Variants in HDAC1 observed in about 807,000 individuals in gnomAD.
The protein encoded by HDAC1 is protein deacetylase HDAC1.
HDAC1 carries 18 observed loss-of-function variants against 65.5 expected under a neutral mutation model. The ratio of observed to expected loss-of-function variants is 0.27; its 90% CI spans 0.19 to 0.41. The LOEUF is 0.41. Among genes scored for constraint, HDAC1 ranks in the 10% least tolerant of loss-of-function variants. HDAC1 has a pLI of 1.00. For missense variants in HDAC1, 373 were observed against 625.2 expected (o/e 0.60, Z 4.30); for synonymous variants, 211 against 227.9 (o/e 0.93, Z 0.67).
chr1:32,313,430 T>C (rs1641018122), intron 2 of HDAC1, among the ~76,000 whole-genome samples: 1 of 152,130 alleles, frequency 6.6e-6, no homozygotes, highest in Admixed American at 6.6e-5. Context: ...AAAGACAGGG[T>C]CTCACTATGT....
intron 3 of HDAC1, among the ~76,000 whole-genome samples, chr1:32,323,390 C>CTTAT (rs752972064): frequency 1.3e-5 from 2 of 151,958 alleles, no homozygotes; most frequent in South Asian, 2.1e-4. Flanking sequence ...TGTTTCCCTA[C>CTTAT]TTATTTATTT....
At chr1:32,300,594 GTGCTGTATACAAAT>G (rs975190832) in intron 1 of HDAC1, among the ~76,000 whole-genome samples, 4 of 152,078 alleles carry the variant, frequency 2.6e-5, no homozygotes, top group African/African-American at 9.7e-5. Context: ...AACTAATGAA[GTGCTGTATACAAAT>G]TGCATGTAGA....
chr1:32,320,741 A>C (rs1641128404), intron 3 of HDAC1, among the ~76,000 whole-genome samples: 1 of 151,638 alleles, frequency 6.6e-6, no homozygotes. Context: ...CTCCACCAAA[A>C]GTACAAAAAT....
At position 32,292,184 on chromosome 1, in the gene HDAC1, G is replaced by A. The variant is rs746742012; in HGVS notation, c.15G>A (p.Gln5=). 29 of 1,548,740 alleles carry A rather than the reference G, an allele frequency of 1.9e-5. No individual in the cohort carries two copies. The South Asian group carries it at 3.3e-4, about 18-fold the overall frequency. ...AGGCGAGCAAGATGGCGCAGACGCA[G>A]GGCACCCGGAGGAAAGTCTGTTACT... MAQT[Q]GTRRKVCYYY... The change falls in exon 1 of 14, where the codon CAG becomes CAA. Residue 5 remains glutamine, a synonymous_variant. Coordinates refer to ENST00000373548, the MANE Select transcript of HDAC1 (RefSeq NM_004964.3).
chr1:32,300,822 T>A (rs1250354386), intron 1 of HDAC1, among the ~76,000 whole-genome samples: 1 of 152,204 alleles, frequency 6.6e-6, no homozygotes, highest in Non-Finnish European at 1.5e-5. Context: ...ACTTTTTCTA[T>A]ATAGGGCCAG....
chr1:32,299,699 T>C (rs59667173), intron 1 of HDAC1, among the ~76,000 whole-genome samples: 9,828 of 152,164 alleles, frequency 0.065, 1,047 homozygotes, highest in African/African-American at 0.22. Context: ...GTTCAAGGAA[T>C]TTTCTATCAG....
intron 1 of HDAC1, among the ~76,000 whole-genome samples, chr1:32,300,716 A>G (rs1640836425): frequency 2.0e-5 from 3 of 152,252 alleles, no homozygotes; most frequent in Non-Finnish European, 4.4e-5. Context: ...TTCAGGTCAA[A>G]GGAATAGTCT....
chr1:32,314,915 G>A (rs978658274), intron 2 of HDAC1, among the ~76,000 whole-genome samples: 8 of 152,118 alleles, frequency 5.3e-5, no homozygotes, highest in Admixed American at 3.9e-4. Flanking sequence ...TTTTAGTGAT[G>A]TTTTTGTGAC....
At chr1:32,328,913 G>A (rs1029560500) in intron 6 of HDAC1, among the ~76,000 whole-genome samples, 155 bp from the exon 7 acceptor site, 3 of 151,850 alleles carry the variant, frequency 2.0e-5, no homozygotes, top group African/African-American at 7.3e-5. Flanking sequence ...CCAGTGAAGA[G>A]AATGGTACTA....
chr1:32,330,612 G>C lies in HDAC1; in HGVS notation c.764G>C (p.Ser255Thr). The change falls in exon 8 of 14, where the codon AGT (serine) becomes ACT (threonine). Residue 255 changes from serine to threonine, a missense_variant. By Grantham distance (58) the Ser-to-Thr change is moderately conservative. Coordinates refer to ENST00000373548, the MANE Select transcript of HDAC1 (RefSeq NM_004964.3). The surrounding 1 kb of genome is among the most constrained non-coding windows in gnomAD (Gnocchi z 4.2). ...MSKVMEMFQP[S>T]AVVLQCGSDS... Reference sequence around the variant, plus strand: ...AAAGTAATGGAGATGTTCCAGCCTAGTGCGGTGGTCTTACAGTGTGGCTCA... The same window carrying C: ...AAAGTAATGGAGATGTTCCAGCCTACTGCGGTGGTCTTACAGTGTGGCTCA... 1 of 1,613,898 alleles carries C rather than the reference G, an allele frequency of 6.2e-7. No individual in the cohort carries two copies. The highest frequency in any genetic ancestry group is 8.5e-7 in the Non-Finnish European group (1 of 1,179,772).
At position 32,327,218 on chromosome 1, in the gene HDAC1, C is replaced by CAAGGAGATG; in HGVS notation, c.494+142_494+143insAGGAGATGA. 2 of 787,534 alleles carry CAAGGAGATG rather than the reference C, an allele frequency of 2.5e-6. No individual in the cohort carries two copies. The highest frequency in any genetic ancestry group is 4.1e-6 in the Non-Finnish European group (2 of 487,348). The allele number at this position is 787,534 out of a possible 1,614,324, so 48.8% of individuals were successfully genotyped here. ...GTGCTCGGTGAGTGTCTCTGGCCAT[C>CAAGGAGATG]ATCTCCTTGATGGGGTCTTGGTTTG... On this transcript the variant is annotated intron_variant, in intron 5 of 13. Coordinates refer to ENST00000373548, the MANE Select transcript of HDAC1 (RefSeq NM_004964.3). This position sits in a 1 kb window ranked among gnomAD's most constrained non-coding sequence, Gnocchi z 6.0.
intron 13 of HDAC1, 68 bp downstream of exon 13, chr1:32,332,817 T>A (rs573771265): frequency 7.9e-6 from 11 of 1,393,088 alleles, no homozygotes; most frequent in Non-Finnish European, 1.1e-5. Flanking sequence ...CCCACCACTC[T>A]GAGGAAAGGC....
In HDAC1 at chr1:32,330,778, G is replaced by A. The variant is rs1190815752; in HGVS notation, c.849G>A (p.Lys283=). 8 of 1,614,066 alleles carry A rather than the reference G, an allele frequency of 5.0e-6. No individual in the cohort carries two copies. In the African/African-American group the frequency reaches 6.7e-5, roughly 13 times the overall value. ...CTTCTCCCACCAAAGGACACGCCAA[G>A]TGTGTGGAATTTGTCAAGAGCTTTA... ...CFNLTIKGHA[K]CVEFVKSFNL... Residue 283 remains lysine (K), a synonymous_variant, in exon 9 of 14, where the codon AAG becomes AAA. Coordinates refer to ENST00000373548, the MANE Select transcript of HDAC1 (RefSeq NM_004964.3). This position sits in a 1 kb window ranked among gnomAD's most constrained non-coding sequence, Gnocchi z 4.2.
rs1162980026 is a variant in HDAC1 at position 32,302,707 on chromosome 1, G to A, written c.136G>A (p.Gly46Ser). 4.4e-6 allele frequency: 7 copies of A among 1,587,194 alleles called. No individual in the cohort carries two copies. The highest frequency in any genetic ancestry group is 6.1e-6 in the Non-Finnish European group (7 of 1,155,568). The change falls in exon 2 of 14, where the codon GGT (glycine) becomes AGT (serine). Residue 46 changes from glycine to serine, a missense_variant. Physicochemically the swap from Gly to Ser is moderately conservative, Grantham distance 56. Coordinates refer to ENST00000373548, the MANE Select transcript of HDAC1 (RefSeq NM_004964.3). ...GACTCATAATTTGCTGCTCAACTATGGTCTCTACCGAAAAATGGAAATCTA... is the reference window on the plus strand; with the variant it reads ...GACTCATAATTTGCTGCTCAACTATAGTCTCTACCGAAAAATGGAAATCTA... ...RMTHNLLLNY[G>S]LYRKMEIYRP...
rs567648697 is a variant in HDAC1, at chr1:32,327,086, G to C, written c.494+9G>C. On this transcript the variant is annotated intron_variant, in intron 5 of 13. Coordinates refer to ENST00000373548, the MANE Select transcript of HDAC1 (RefSeq NM_004964.3). This position sits in a 1 kb window ranked among gnomAD's most constrained non-coding sequence, Gnocchi z 6.0. ...ATCCTGGAACTGCTAAAGTATGCCT[G>C]CCTGGCCTTGTCTCTTGGAAGAGCA... The C allele has an allele frequency of 9.9e-6, 16 of 1,613,602 alleles. No homozygotes were observed. Among genetic ancestry groups the C allele is most frequent in the African/African-American group, 4.0e-5 (3 of 74,922 alleles).
At chr1:32,303,643 A>G (rs976466311) in intron 2 of HDAC1, among the ~76,000 whole-genome samples, 4 of 152,182 alleles carry the variant, frequency 2.6e-5, no homozygotes, top group African/African-American at 7.2e-5. Context: ...AATCCAGATT[A>G]TTATGTAAAA....
intron 1 of HDAC1, among the ~76,000 whole-genome samples, chr1:32,298,906 G>A (rs1381099697): frequency 1.3e-5 from 2 of 152,130 alleles, no homozygotes; most frequent in Non-Finnish European, 2.9e-5. Flanking sequence ...GCTGAGGCAG[G>A]AGAATTGTTT....
chr1:32,307,411 G>T (rs571568937), intron 2 of HDAC1, among the ~76,000 whole-genome samples: 2 of 152,042 alleles, frequency 1.3e-5, no homozygotes, highest in Non-Finnish European at 2.9e-5. Context: ...ATCACTACTC[G>T]TGGACTTTGG....
intron 2 of HDAC1, among the ~76,000 whole-genome samples, chr1:32,305,654 A>C: frequency 7.1e-6 from 1 of 140,974 alleles, no homozygotes; most frequent in African/African-American, 2.7e-5. Flanking sequence ...TCTGGCACTC[A>C]GGCTGCAGTG....
Sources: gnomAD v4.1 joint callset for allele counts (sites outside exome capture counted in the v4.1 genomes callset) on GRCh38, gnomAD v4.1.1 for gene constraint, Gnocchi (gnomAD v3.1) non-coding constraint, MANE v1.5 for transcripts, NCBI Gene and HGNC (gene_info 2026-07-23, HGNC 2026-07-21) for gene names.